Variants in CTNNA2 observed in about 807,000 individuals in gnomAD.
The protein encoded by CTNNA2 is catenin alpha-2.
A neutral mutation model predicts 101.0 loss-of-function variants in CTNNA2; 42 were observed. That is an observed-to-expected ratio of 0.42 (90% confidence interval 0.32 to 0.54). The LOEUF (loss-of-function observed/expected upper bound fraction) is 0.54, where lower values mean the gene tolerates loss of function less well. Among genes scored for constraint, CTNNA2 ranks in the 20% least tolerant of loss-of-function variants. CTNNA2 has a pLI of 0.14. For synonymous variants in CTNNA2, 450 were observed against 456.4 expected (o/e 0.99, Z 0.18); for missense variants, 871 against 1,223.1 (o/e 0.71, Z 4.29).
At chr2:79,921,042 T>C (rs549883818) in intron 7 of CTNNA2, among the ~76,000 whole-genome samples, 25 of 152,276 alleles carry the variant, frequency 1.6e-4, no homozygotes, top group Admixed American at 1.4e-3. Flanking sequence ...AGACACAAAA[T>C]AATTTGCATA....
intron 2 of CTNNA2, among the ~76,000 whole-genome samples, chr2:79,235,095 C>T (rs114515254): frequency 1.5e-3 from 233 of 152,210 alleles, no homozygotes; most frequent in Non-Finnish European, 2.4e-3. Context: ...TAAGGGGGCA[C>T]GCTGGCTTAT....
At chr2:80,381,131 A>C (rs1676477440) in intron 7 of CTNNA2, among the ~76,000 whole-genome samples, 1 of 151,818 alleles carries the variant, frequency 6.6e-6, no homozygotes, top group Non-Finnish European at 1.5e-5. Context: ...AGTGGCTTGC[A>C]CCTTCGTGTT....
In CTNNA2 at chr2:80,369,815, G is replaced by A. The variant is rs978668340; in HGVS notation, c.1057-23396G>A. 9.2e-5 allele frequency among the ~76,000 whole-genome samples: 14 copies of A among 152,232 alleles called. No homozygotes were observed. The South Asian group carries it at 1.5e-3, about 16-fold the overall frequency. On this transcript the variant is annotated intron_variant, in intron 7 of 18. Transcript: ENST00000402739. Reference sequence around the variant, plus strand: ...AAATTGCTAGCTTTGAAGATGAAGAGAGGAATGAGCCAAGAAAGTGGGCTG... The same window carrying A: ...AAATTGCTAGCTTTGAAGATGAAGAAAGGAATGAGCCAAGAAAGTGGGCTG...
chr2:79,204,562 A>T (rs542602365), intron 2 of CTNNA2, among the ~76,000 whole-genome samples: 6 of 152,342 alleles, frequency 3.9e-5, no homozygotes, highest in African/African-American at 1.4e-4. Context: ...AGATTTTAAA[A>T]TATGTCCATA....
chr2:80,272,675 G>A (rs1246440037), intron 7 of CTNNA2, among the ~76,000 whole-genome samples: 1 of 152,042 alleles, frequency 6.6e-6, no homozygotes, highest in Non-Finnish European at 1.5e-5. Flanking sequence ...AAAAATACAG[G>A]ACACCTAGTT....
chr2:80,320,955 A>T (rs2149245681), intron 7 of CTNNA2, among the ~76,000 whole-genome samples: 1 of 152,316 alleles, frequency 6.6e-6, no homozygotes, highest in East Asian at 1.9e-4. Flanking sequence ...TTAAGTGGGG[A>T]CAGAGAAGAA....
At chr2:80,031,307 A>T (rs188261578) in intron 7 of CTNNA2, among the ~76,000 whole-genome samples, 1 of 152,222 alleles carries the variant, frequency 6.6e-6, no homozygotes, top group Non-Finnish European at 1.5e-5. Flanking sequence ...CATGCTGCTA[A>T]TAAAGACATA....
intron 1 of CTNNA2, among the ~76,000 whole-genome samples, chr2:79,193,694 A>G (rs548113157): frequency 2.4e-3 from 361 of 152,348 alleles, no homozygotes; most frequent in Non-Finnish European, 3.6e-3. Flanking sequence ...ATACAAATGT[A>G]GCTTCAAGAA....
At chr2:79,834,139 A>C (rs1390344252) in intron 3 of CTNNA2, among the ~76,000 whole-genome samples, 2 of 152,206 alleles carry the variant, frequency 1.3e-5, no homozygotes, top group Non-Finnish European at 2.9e-5. Context: ...ATTGTTAAAT[A>C]ATATAGCTTA....
intron 2 of CTNNA2, among the ~76,000 whole-genome samples, chr2:79,259,981 G>T (rs1450976899): frequency 6.6e-6 from 1 of 152,162 alleles, no homozygotes; most frequent in Non-Finnish European, 1.5e-5. Context: ...AAAGATAGGA[G>T]CAGATGCTAC....
intron 1 of CTNNA2, among the ~76,000 whole-genome samples, chr2:79,541,407 C>T (rs1484189925): frequency 1.1e-5 from 1 of 88,512 alleles, no homozygotes; most frequent in Non-Finnish European, 2.4e-5. Flanking sequence ...CATATATACA[C>T]ATACACACAC....
rs546361974 is a variant in CTNNA2, at chr2:79,831,121, T to C, written c.299-26892T>C. Among the ~76,000 whole-genome samples, 42 of 152,226 alleles carry C rather than the reference T, an allele frequency of 2.8e-4. No homozygotes were observed. In the South Asian group the frequency reaches 7.9e-3, roughly 29 times the overall value. ...AATACAAACTTCGGCCAAATTACTA[T>C]AGTTTGCTTAATCATTTTATTTTAG... On this transcript the variant is annotated intron_variant, in intron 3 of 18. Coordinates refer to ENST00000402739, the MANE Select transcript of CTNNA2 (RefSeq NM_001282597.3).
intron 2 of CTNNA2, among the ~76,000 whole-genome samples, chr2:79,298,386 G>A (rs1025928892): frequency 6.6e-6 from 1 of 152,054 alleles, no homozygotes; most frequent in African/African-American, 2.4e-5. Flanking sequence ...CCTCCCACCA[G>A]GTCCACCTCC....
At chr2:80,009,915 G>A (rs925339947) in intron 7 of CTNNA2, among the ~76,000 whole-genome samples, 4 of 152,104 alleles carry the variant, frequency 2.6e-5, no homozygotes, top group Non-Finnish European at 5.9e-5. Flanking sequence ...ACCGTCCTAG[G>A]TTCAGATGTT....
chr2:80,399,020 T>C (rs994883244), intron 8 of CTNNA2, among the ~76,000 whole-genome samples: 1 of 151,112 alleles, frequency 6.6e-6, no homozygotes, highest in African/African-American at 2.4e-5. Flanking sequence ...GTGATCCTCT[T>C]GCCTCAGGAT....
At chr2:80,296,104 G>T (rs1000858571) in intron 7 of CTNNA2, among the ~76,000 whole-genome samples, 1 of 151,746 alleles carries the variant, frequency 6.6e-6, no homozygotes, top group Non-Finnish European at 1.5e-5. Flanking sequence ...AAATTTATGG[G>T]GTACATGAGA....
chr2:79,692,271 ACTC>A (rs770594688), intron 2 of CTNNA2, among the ~76,000 whole-genome samples: 30 of 152,086 alleles, frequency 2.0e-4, no homozygotes, highest in Non-Finnish European at 3.4e-4. Flanking sequence ...ATGAAACAAA[ACTC>A]ATCATCACTG....
chr2:79,586,499 G>T (rs573366661), intron 1 of CTNNA2, among the ~76,000 whole-genome samples: 1 of 147,030 alleles, frequency 6.8e-6, no homozygotes, highest in Non-Finnish European at 1.5e-5. Context: ...CTTCTTTTAG[G>T]TGTTTAGGTT....
At chr2:80,073,272 CA>C (rs1245930464) in intron 7 of CTNNA2, among the ~76,000 whole-genome samples, 3 of 152,142 alleles carry the variant, frequency 2.0e-5, no homozygotes, top group Non-Finnish European at 4.4e-5. Flanking sequence ...CTGTGTTAGG[CA>C]CTTTGACAGG....
Sources: gnomAD v4.1 joint callset for allele counts (sites outside exome capture counted in the v4.1 genomes callset) on GRCh38, gnomAD v4.1.1 for gene constraint, MANE v1.5 for transcripts, NCBI Gene and HGNC (gene_info 2026-07-23, HGNC 2026-07-21) for gene names.